MOGAT1: variants seen among roughly 807,000 people sequenced by gnomAD.
MOGAT1 encodes the protein 2-acylglycerol O-acyltransferase 1.
MOGAT1 carries 32 observed loss-of-function variants against 31.4 expected under a neutral mutation model. The observed-to-expected ratio is 1.02, with a 90% CI of 0.77 to 1.37. The LOEUF (loss-of-function observed/expected upper bound fraction) is 1.37, where lower values mean the gene tolerates loss of function less well. Ranked by LOEUF, MOGAT1 falls within the 40% of genes most tolerant of loss-of-function variation. The pLI is 0.00. For missense variants in MOGAT1, 426 were observed against 402.0 expected, an observed-to-expected ratio of 1.06 and a Z score of -0.51; for synonymous variants, 145 against 144.5, an observed-to-expected ratio of 1.00 and a Z score of -0.03.
intron 5 of MOGAT1, among the ~76,000 whole-genome samples, chr2:222,697,147 T>C (rs1692848643): frequency 1.3e-5 from 2 of 152,196 alleles, no homozygotes; most frequent in African/African-American, 4.8e-5. Context: ...CAGGCACTAA[T>C]AGCAGAATTA....
At chr2:222,700,678 A>G (rs1692906254) in intron 5 of MOGAT1, among the ~76,000 whole-genome samples, 1 of 152,228 alleles carries the variant, frequency 6.6e-6, no homozygotes, top group Non-Finnish European at 1.5e-5. Context: ...TTAAAGACTT[A>G]TTTACTTGAA....
At position 222,694,261 on chromosome 2, in the gene MOGAT1, A is replaced by G. The variant is rs1038469636; in HGVS notation, c.479-101A>G. ...GTGCTCCAAAGGTAAGCAGTGTAGG[A>G]AATTTTGTTAAATGTTTACTATTGT... On this transcript the variant is annotated intron_variant, in intron 3 of 5. Transcript: ENST00000446656. 1.3e-5 allele frequency: 15 copies of G among 1,125,944 alleles called. No individual in the cohort carries two copies. In the African/African-American group the frequency reaches 2.2e-4, roughly 17 times the overall value. 69.7% of individuals were successfully genotyped at this position (1,125,944 alleles called of 1,614,324 possible).
chr2:222,677,683 A>C (rs1692519717), intron 1 of MOGAT1: 2 of 418,346 alleles, frequency 4.8e-6, no homozygotes, highest in South Asian at 4.0e-5. Flanking sequence ...CTAGAAAATG[A>C]CACAGTAGCA....
At chr2:222,681,730 G>C (rs77741146) in intron 1 of MOGAT1, among the ~76,000 whole-genome samples, 3 of 152,194 alleles carry the variant, frequency 2.0e-5, no homozygotes, top group East Asian at 3.9e-4. Context: ...AGCCCACCAA[G>C]AGTTGTCTCA....
intron 5 of MOGAT1, chr2:222,699,486 A>AT (rs1692886656): frequency 1.2e-5 from 1 of 86,878 alleles, no homozygotes; most frequent in Non-Finnish European, 2.4e-5. Flanking sequence ...GTTGGGAGAT[A>AT]TTTCTTTTTT....
rs766854040 is a variant in MOGAT1, at chr2:222,695,069, C to G, written c.654-20C>G. Reference sequence around the variant, plus strand: ...ATCCTTTTCATTGAAAATTCTCACCCGTCCCCTTTGTTATTGCAGCGCCTC... The same window carrying G: ...ATCCTTTTCATTGAAAATTCTCACCGGTCCCCTTTGTTATTGCAGCGCCTC... On this transcript the variant is annotated intron_variant, in intron 4 of 5. Coordinates refer to ENST00000446656, the MANE Select transcript of MOGAT1 (RefSeq NM_058165.3). 2.6e-6 allele frequency: 4 copies of G among 1,551,042 alleles called. No individual in the cohort carries two copies. Among genetic ancestry groups the G allele is most frequent in the Non-Finnish European group, 3.5e-6 (4 of 1,145,620 alleles).
intron 3 of MOGAT1, among the ~76,000 whole-genome samples, chr2:222,693,171 G>T (rs1047968006): frequency 6.6e-6 from 1 of 152,168 alleles, no homozygotes; most frequent in African/African-American, 2.4e-5. Context: ...ACCCAGAATG[G>T]AAAGAAACAT....
At chr2:222,677,558 A>G (rs1692517773) in intron 1 of MOGAT1, 1 of 172,620 alleles carries the variant, frequency 5.8e-6, no homozygotes, top group South Asian at 1.4e-4. Context: ...GTCTAAGGCT[A>G]ACGTGATGAT....
At position 222,689,251 on chromosome 2, in the gene MOGAT1, T is replaced by C. The variant is rs1167499811; in HGVS notation, c.274-14T>C. The C allele has an allele frequency of 6.3e-6, 10 of 1,596,320 alleles. No individual in the cohort carries two copies. Among genetic ancestry groups the C allele is most frequent in the African/African-American group, 1.3e-5 (1 of 74,194 alleles). ...GTTTCTTTTTTTTAAAATCTCAATA[T>C]GAATGTGCTGTAGCTTATCAAAACT... is the stretch of plus-strand genomic sequence containing the variant. On this transcript the variant is annotated splice_polypyrimidine_tract_variant and intron_variant, in intron 2 of 5. Coordinates refer to ENST00000446656, the MANE Select transcript of MOGAT1 (RefSeq NM_058165.3).
chr2:222,707,822 A>T (rs958945843), intron 5 of MOGAT1, among the ~76,000 whole-genome samples: 13 of 152,186 alleles, frequency 8.5e-5, no homozygotes, highest in African/African-American at 3.1e-4. Context: ...CTCAGCTCCC[A>T]TACTGATGTC....
chr2:222,672,138 GT>G (rs1692427561), intron 1 of MOGAT1, among the ~76,000 whole-genome samples: 1 of 152,216 alleles, frequency 6.6e-6, no homozygotes, highest in Admixed American at 6.5e-5. Context: ...AAAAGGCGCA[GT>G]TATACGGATA....
intron 1 of MOGAT1, among the ~76,000 whole-genome samples, chr2:222,678,651 C>T (rs1692532823): frequency 6.6e-6 from 1 of 152,020 alleles, no homozygotes; most frequent in Non-Finnish European, 1.5e-5. Context: ...AAAATCTTTG[C>T]TTAATCTGGC....
chr2:222,692,358 C>G (rs567050376), intron 3 of MOGAT1, among the ~76,000 whole-genome samples: 1 of 152,258 alleles, frequency 6.6e-6, no homozygotes, highest in South Asian at 2.1e-4. Context: ...AATACTTAGC[C>G]CAGTACCTGG....
chr2:222,681,366 C>T (rs1472855043), intron 1 of MOGAT1, among the ~76,000 whole-genome samples: 1 of 152,144 alleles, frequency 6.6e-6, no homozygotes. Context: ...TATGATGGCT[C>T]ATAGCACTCA....
chr2:222,686,408 G>A (rs1692669615), intron 1 of MOGAT1, among the ~76,000 whole-genome samples: 1 of 152,176 alleles, frequency 6.6e-6, no homozygotes, highest in Non-Finnish European at 1.5e-5. Flanking sequence ...TTCTTTCCCT[G>A]CCCTATTTCA....
chr2:222,695,214 C>A lies in MOGAT1; in HGVS notation c.779C>A (p.Pro260His). The A allele has an allele frequency of 2.5e-6, 4 of 1,613,730 alleles. No homozygotes were observed. The highest frequency in any genetic ancestry group is 2.7e-5 in the African/African-American group (2 of 75,032). ...KLQKIMGFAL[P>H]LFHARGVFQY... ...CAGAAGATCATGGGGTTTGCTTTGC[C>A]CCTGTTTCATGCCAGGGGAGTTTTT... is the stretch of plus-strand genomic sequence containing the variant. Residue 260 changes from proline to histidine, a missense_variant, in exon 5 of 6, where the codon CCC becomes CAC. Pro to His is a moderately conservative substitution (Grantham distance 77). Coordinates refer to ENST00000446656, the MANE Select transcript of MOGAT1 (RefSeq NM_058165.3).
Position 222,688,325 on chromosome 2 carries a change from AC to A in MOGAT1, c.95-18del. 1 of 1,589,666 alleles carries A rather than the reference AC, an allele frequency of 6.3e-7. No individual in the cohort carries two copies. Among genetic ancestry groups the A allele is most frequent in the Non-Finnish European group, 8.6e-7 (1 of 1,167,294 alleles). ...GATACTAACAGACTGATTCCATGAG[AC>A]TTTTTCTTTTCTTACAGGGCCGATG... On this transcript the variant is annotated intron_variant, in intron 1 of 5. Coordinates refer to ENST00000446656, the MANE Select transcript of MOGAT1 (RefSeq NM_058165.3).
rs530217841 is a variant in MOGAT1 at position 222,682,774 on chromosome 2, C to G, written c.95-5570C>G. Among the ~76,000 whole-genome samples, 7 of 152,282 alleles carry G rather than the reference C, an allele frequency of 4.6e-5. No individual in the cohort carries two copies. The East Asian group carries it at 1.3e-3, about 29-fold the overall frequency. Reference sequence around the variant, plus strand: ...AAAAGGAATGAAGTACTGATGCATGCTACAACATGGATGAACCTCAAAACC... The same window carrying G: ...AAAAGGAATGAAGTACTGATGCATGGTACAACATGGATGAACCTCAAAACC... On this transcript the variant is annotated intron_variant, in intron 1 of 5. Coordinates refer to ENST00000446656, the MANE Select transcript of MOGAT1 (RefSeq NM_058165.3).
chr2:222,693,171 G>A (rs1047968006), intron 3 of MOGAT1, among the ~76,000 whole-genome samples: 1 of 152,168 alleles, frequency 6.6e-6, no homozygotes, highest in African/African-American at 2.4e-5. Flanking sequence ...ACCCAGAATG[G>A]AAAGAAACAT....
Sources: gnomAD v4.1 joint callset for allele counts (sites outside exome capture counted in the v4.1 genomes callset) on GRCh38, gnomAD v4.1.1 for gene constraint, MANE v1.5 for transcripts, NCBI Gene and HGNC (gene_info 2026-07-23, HGNC 2026-07-21) for gene names.